The following ERGIC1 variants were observed in gnomAD, a reference collection of about 807,000 sequenced individuals.
The protein encoded by ERGIC1 is endoplasmic reticulum-Golgi intermediate compartment protein 1.
ERGIC1 carries 19 observed loss-of-function variants against 38.3 expected under a neutral mutation model. The observed-to-expected ratio is 0.50, with a 90% CI of 0.35 to 0.73. The LOEUF (loss-of-function observed/expected upper bound fraction) is 0.73. Ranked by LOEUF, ERGIC1 falls within the 30% of genes least tolerant of loss-of-function variation. ERGIC1 has a pLI of 0.01. For missense variants in ERGIC1, 294 were observed against 389.2 expected (o/e 0.76, Z 2.06); for synonymous variants, 124 against 157.6 (o/e 0.79, Z 1.60).
intron 5 of ERGIC1, among the ~76,000 whole-genome samples, chr5:172,921,123 T>A (rs568051191): frequency 1.3e-5 from 2 of 152,348 alleles, no homozygotes; most frequent in South Asian, 4.1e-4. Flanking sequence ...ATCACCTCAA[T>A]GAATCCTCCC....
intron 1 of ERGIC1, among the ~76,000 whole-genome samples, chr5:172,839,566 AACACACACACACAT>A (rs1475128508): frequency 6.6e-6 from 1 of 151,818 alleles, no homozygotes; most frequent in African/African-American, 2.4e-5. Context: ...CCTATCTCAA[AACACACACACACAT>A]ACACACACAC....
At chr5:172,891,695 C>T (rs1762564347) in intron 2 of ERGIC1, among the ~76,000 whole-genome samples, 1 of 152,182 alleles carries the variant, frequency 6.6e-6, no homozygotes, top group Admixed American at 6.5e-5. Context: ...CTGCCTCGGC[C>T]TCCCAAAGTG....
intron 1 of ERGIC1, among the ~76,000 whole-genome samples, chr5:172,879,586 G>A (rs760749647): frequency 3.9e-5 from 6 of 152,092 alleles, no homozygotes; most frequent in Non-Finnish European, 7.4e-5. Flanking sequence ...TTTTTTCCAA[G>A]TGAGCGCTGC....
Position 172,897,066 on chromosome 5 carries a change from G to A in ERGIC1, c.147G>A (p.Thr49=), listed in dbSNP as rs765260919. 2.4e-5 allele frequency: 39 copies of A among 1,613,824 alleles called. No individual in the cohort carries two copies. Among genetic ancestry groups the A allele is most frequent in the South Asian group, 5.5e-5 (5 of 91,060 alleles). The change falls in exon 3 of 10, where the codon ACG becomes ACA. Residue 49 remains threonine, a synonymous_variant. Transcript: ENST00000393784. ...LFLSELTGFI[T]TEVVNELYVD... ...TCTCGGAGCTCACCGGATTTATAAC[G>A]ACAGAAGTGTAAGTCATACTTTCCC...
chr5:172,836,117 C>A (rs1381082516), intron 1 of ERGIC1, among the ~76,000 whole-genome samples: 2 of 152,134 alleles, frequency 1.3e-5, no homozygotes, highest in African/African-American at 4.8e-5. Flanking sequence ...TCCGTCTTAC[C>A]AAGGAGGAAA....
intron 2 of ERGIC1, among the ~76,000 whole-genome samples, chr5:172,893,032 T>C (rs1762607911): frequency 1.3e-5 from 2 of 152,126 alleles, no homozygotes; most frequent in South Asian, 4.1e-4. Context: ...GCTCTGGTGC[T>C]CTGGTGTGGA....
At chr5:172,928,756 G>T (rs867793239) in intron 7 of ERGIC1, among the ~76,000 whole-genome samples, 1 of 151,870 alleles carries the variant, frequency 6.6e-6, no homozygotes, top group Non-Finnish European at 1.5e-5. Context: ...TGAGGACCTC[G>T]GCCTCCAGTG....
chr5:172,893,916 T>TATATATATACACAC (rs1420718318), intron 2 of ERGIC1, among the ~76,000 whole-genome samples: 2 of 81,784 alleles, frequency 2.4e-5, no homozygotes, highest in African/African-American at 8.5e-5. Flanking sequence ...TGTGTGTGTG[T>TATATATATACACAC]GTGTGTGTGT....
chr5:172,906,167 AAGGT>A (rs1763017334), intron 3 of ERGIC1: 2 of 456,054 alleles, frequency 4.4e-6, no homozygotes, highest in South Asian at 3.1e-5. Flanking sequence ...CACTACAAGC[AAGGT>A]CAAGCGCAGG....
chr5:172,862,307 C>A (rs79368661), intron 1 of ERGIC1, among the ~76,000 whole-genome samples: 28 of 49,484 alleles, frequency 5.7e-4, no homozygotes, highest in African/African-American at 1.3e-3. Flanking sequence ...GACTACATCT[C>A]AAAAAAAAAA....
At chr5:172,895,194 T>C (rs1359821074) in intron 2 of ERGIC1, among the ~76,000 whole-genome samples, 3 of 152,216 alleles carry the variant, frequency 2.0e-5, no homozygotes, top group Non-Finnish European at 4.4e-5. Context: ...ATCTCTCTGA[T>C]GTAAGTCCTA....
At chr5:172,845,794 C>G (rs1342818515) in intron 1 of ERGIC1, among the ~76,000 whole-genome samples, 2 of 152,218 alleles carry the variant, frequency 1.3e-5, no homozygotes, top group South Asian at 4.1e-4. Context: ...TTGCTCATGA[C>G]TATTCTCTAA....
At chr5:172,943,316 A>C (rs1005675136) in intron 9 of ERGIC1, among the ~76,000 whole-genome samples, 6 of 151,614 alleles carry the variant, frequency 4.0e-5, no homozygotes, top group African/African-American at 1.5e-4. Flanking sequence ...GGAGCTCTGG[A>C]AGGCCTGATA....
At chr5:172,899,311 CTTTTTTTTTT>C (rs34478179) in intron 3 of ERGIC1, among the ~76,000 whole-genome samples, 1 of 82,854 alleles carries the variant, frequency 1.2e-5, no homozygotes, top group Non-Finnish European at 2.2e-5. Flanking sequence ...GGAGTTACTT[CTTTTTTTTTT>C]TTTTTTTTTT....
At chr5:172,914,515 C>T in intron 4 of ERGIC1, 199 bp from the exon 5 acceptor site, 1 of 832,010 alleles carries the variant, frequency 1.2e-6, no homozygotes, top group Non-Finnish European at 1.9e-6. Context: ...CTACTATGCA[C>T]TGCCCCCCTC....
intron 5 of ERGIC1, chr5:172,915,557 A>C: frequency 2.1e-6 from 1 of 471,050 alleles, no homozygotes; most frequent in Non-Finnish European, 4.4e-6. Flanking sequence ...GGGTGAACGC[A>C]GTGCCCTTGG....
chr5:172,921,134 A>G (rs896220644), intron 5 of ERGIC1, among the ~76,000 whole-genome samples: 4 of 152,220 alleles, frequency 2.6e-5, no homozygotes, highest in Admixed American at 2.6e-4. Flanking sequence ...GAATCCTCCC[A>G]GTAATCTTCT....
intron 1 of ERGIC1, among the ~76,000 whole-genome samples, chr5:172,862,964 G>A (rs1434328623): frequency 6.6e-6 from 1 of 152,172 alleles, no homozygotes; most frequent in African/African-American, 2.4e-5. Flanking sequence ...GCCTGAAGCC[G>A]AGCCTTCTAT....
At chr5:172,870,284 G>A (rs377372673) in intron 1 of ERGIC1, among the ~76,000 whole-genome samples, 27 of 152,102 alleles carry the variant, frequency 1.8e-4, no homozygotes, top group Admixed American at 4.6e-4. Context: ...TTCACTTAAC[G>A]GGCTGCCCTC....
Sources: allele counts gnomAD v4.1 joint callset (sites outside exome capture counted in the v4.1 genomes callset), GRCh38; gene constraint gnomAD v4.1.1; transcripts MANE v1.5; gene names NCBI Gene and HGNC (gene_info 2026-07-23, HGNC 2026-07-21).